The following SLC8A1 variants were observed in gnomAD, a reference collection of about 807,000 sequenced individuals.
The protein encoded by SLC8A1 is solute carrier family 8 member A1.
A neutral mutation model predicts 68.3 loss-of-function variants in SLC8A1; 18 were observed. The observed-to-expected ratio is 0.26, with a 90% CI of 0.18 to 0.39. The LOEUF (loss-of-function observed/expected upper bound fraction) is 0.39, where lower values mean the gene tolerates loss of function less well. SLC8A1 is among the 10% of genes least tolerant of loss of function. SLC8A1 has a pLI of 1.00. For synonymous variants in SLC8A1, 475 were observed against 415.5 expected, an observed-to-expected ratio of 1.14 and a Z score of -1.74; for missense variants, 985 against 1,156.7, an observed-to-expected ratio of 0.85 and a Z score of 2.15.
At chr2:40,486,579 T>G (rs551228106) in intron 1 of SLC8A1, among the ~76,000 whole-genome samples, 1 of 152,318 alleles carries the variant, frequency 6.6e-6, no homozygotes, top group African/African-American at 2.4e-5. Context: ...TTTTTAAAAT[T>G]GTTACATTTT....
In SLC8A1 at chr2:40,381,501, C is replaced by T. The variant is rs1056221551; in HGVS notation, c.1808+46972G>A. Among the ~76,000 whole-genome samples, 7 of 151,976 alleles carry T rather than the reference C, an allele frequency of 4.6e-5. No individual in the cohort carries two copies. The East Asian group carries it at 1.2e-3, about 26-fold the overall frequency. ...AGAACAGGTTTCTTTCTCTTCACTT[C>T]GTCAAAATTTTATTCATCTCACAGA... On this transcript the variant is annotated intron_variant, in intron 2 of 7. Transcript: ENST00000406785.
At chr2:40,457,925 C>T (rs1703116436) in intron 1 of SLC8A1, among the ~76,000 whole-genome samples, 1 of 152,124 alleles carries the variant, frequency 6.6e-6, no homozygotes, top group Admixed American at 6.5e-5. Flanking sequence ...AAGGGATTTG[C>T]CGAATCCTGG....
intron 1 of SLC8A1, among the ~76,000 whole-genome samples, chr2:40,458,055 G>GT (rs1333144670): frequency 3.3e-5 from 5 of 152,190 alleles, no homozygotes; most frequent in Non-Finnish European, 5.9e-5. Flanking sequence ...TTGTTTTCAA[G>GT]TTTTTTGGGA....
chr2:40,179,926 T>C (rs569567123), intron 2 of SLC8A1, among the ~76,000 whole-genome samples: 1 of 152,282 alleles, frequency 6.6e-6, no homozygotes, highest in African/African-American at 2.4e-5. Flanking sequence ...TTGGTTCTGG[T>C]TCCCTGAAAC....
chr2:40,334,355 C>T (rs950894965), intron 2 of SLC8A1, among the ~76,000 whole-genome samples: 1 of 152,172 alleles, frequency 6.6e-6, no homozygotes, highest in Admixed American at 6.5e-5. Flanking sequence ...ATACCAAAGG[C>T]ATAACCATTT....
chr2:40,334,687 T>G (rs1575492109), intron 2 of SLC8A1, among the ~76,000 whole-genome samples: 1 of 152,190 alleles, frequency 6.6e-6, no homozygotes, highest in African/African-American at 2.4e-5. Flanking sequence ...AGTTGAGGGT[T>G]ACGCACTAAT....
chr2:40,258,567 C>G (rs1426767657), intron 2 of SLC8A1, among the ~76,000 whole-genome samples: 1 of 152,104 alleles, frequency 6.6e-6, no homozygotes, highest in African/African-American at 2.4e-5. Context: ...TGGCCGGGCA[C>G]TGGTGGCTCA....
At chr2:40,105,836 G>C (rs1030714004) in exon 8 of SLC8A1, 26 of 152,360 alleles carry the variant, frequency 1.7e-4, no homozygotes, top group African/African-American at 6.3e-4. Context: ...CCAGTCCTAG[G>C]ATTGGTCCCA....
rs371395367 is a variant in SLC8A1, at chr2:40,212,281, A to ATGT, written c.1809-34427_1809-34426insACA. On this transcript the variant is annotated intron_variant, in intron 2 of 7. Transcript: ENST00000406785. ...AGGTGCTAAACAGAAGAGATGCAAT[A>ATGT]TCTTTTTTTTTTTTTTTTTTCCTGA... Among the ~76,000 whole-genome samples, 5 of 118,242 alleles carry ATGT rather than the reference A, an allele frequency of 4.2e-5. 2 individuals are homozygous for ATGT. Among genetic ancestry groups the ATGT allele is most frequent in the South Asian group, 2.4e-4 (1 of 4,090 alleles). The allele number at this position is 118,242 out of a possible 152,430, so 77.6% of individuals were successfully genotyped here.
At chr2:40,116,312 T>C (rs1398088255) in intron 7 of SLC8A1, among the ~76,000 whole-genome samples, 1 of 152,164 alleles carries the variant, frequency 6.6e-6, no homozygotes, top group African/African-American at 2.4e-5. Context: ...ACTTTTTTAT[T>C]ATTATTTTTT....
In SLC8A1 at chr2:40,146,270, C is replaced by T. The variant is rs73927130; in HGVS notation, c.2162-6594G>A. Reference sequence around the variant, plus strand: ...TTTTGCAGTGTGCCAAGTTCAACCCCGGCTTAATGTGAATTTCTTTAAAAT... The same window carrying T: ...TTTTGCAGTGTGCCAAGTTCAACCCTGGCTTAATGTGAATTTCTTTAAAAT... On this transcript the variant is annotated intron_variant, in intron 6 of 7. Coordinates refer to ENST00000406785, the Ensembl canonical transcript of SLC8A1. Among the ~76,000 whole-genome samples, 813 of 152,206 alleles carry T rather than the reference C, an allele frequency of 5.3e-3. 7 individuals are homozygous for T. The highest frequency in any genetic ancestry group is 0.018 in the African/African-American group (747 of 41,522).
chr2:40,313,439 C>A (rs1308434756), intron 2 of SLC8A1, among the ~76,000 whole-genome samples: 1 of 151,848 alleles, frequency 6.6e-6, no homozygotes, highest in African/African-American at 2.4e-5. Flanking sequence ...TGTAGAATGG[C>A]TGGATTATAT....
intron 2 of SLC8A1, among the ~76,000 whole-genome samples, chr2:40,281,399 G>C (rs1015959788): frequency 1.2e-4 from 18 of 152,214 alleles, no homozygotes; most frequent in African/African-American, 4.3e-4. Context: ...AGCATTCTCA[G>C]TGCCTGAGTT....
intron 1 of SLC8A1, among the ~76,000 whole-genome samples, chr2:40,506,928 C>T (rs1312531745): frequency 1.3e-5 from 2 of 151,834 alleles, no homozygotes; most frequent in East Asian, 1.9e-4. Flanking sequence ...CATTTCATTC[C>T]CTTTTACAAA....
At chr2:40,115,771 G>C (rs1030404932) in intron 7 of SLC8A1, 142 bp from the exon 11 acceptor site, 1 of 1,094,028 alleles carries the variant, frequency 9.1e-7, no homozygotes, top group Non-Finnish European at 1.3e-6. Flanking sequence ...GTTCCTCTGA[G>C]TCAGACTCAT....
rs548632789 is a variant in SLC8A1, at chr2:40,198,530, T to G, written c.1809-20675A>C. Reference sequence around the variant, plus strand: ...TTGCTATAAGAAAAATATTTATTGATTTCTTTTTTAAAAAAGACTGCAGTT... The same window carrying G: ...TTGCTATAAGAAAAATATTTATTGAGTTCTTTTTTAAAAAAGACTGCAGTT... On this transcript the variant is annotated intron_variant, in intron 2 of 7. Coordinates refer to ENST00000406785, the Ensembl canonical transcript of SLC8A1. Among the ~76,000 whole-genome samples the G allele has an allele frequency of 1.5e-4, 23 of 152,084 alleles. 1 individual carries two copies. In the South Asian group the frequency reaches 4.8e-3, roughly 32 times the overall value.
intron 1 of SLC8A1, among the ~76,000 whole-genome samples, chr2:40,477,768 T>C (rs1704382886): frequency 6.6e-6 from 1 of 152,128 alleles, no homozygotes; most frequent in Non-Finnish European, 1.5e-5. Flanking sequence ...TGCACGTGTG[T>C]GTAGGGGGAG....
At chr2:40,446,681 T>C (rs1174813469) in intron 1 of SLC8A1, 1 of 152,206 alleles carries the variant, frequency 6.6e-6, no homozygotes, top group Non-Finnish European at 1.5e-5. Flanking sequence ...AGCATGGCTT[T>C]TGGAGAGCCT....
intron 6 of SLC8A1, among the ~76,000 whole-genome samples, chr2:40,144,285 C>T (rs1363979982): frequency 6.6e-6 from 1 of 152,190 alleles, no homozygotes; most frequent in Non-Finnish European, 1.5e-5. Context: ...AATTCTTTCA[C>T]ATACCTGATC....
Sources: gnomAD v4.1 joint callset for allele counts (sites outside exome capture counted in the v4.1 genomes callset) on GRCh38, gnomAD v4.1.1 for gene constraint, MANE v1.5 for transcripts, NCBI Gene and HGNC (gene_info 2026-07-23, HGNC 2026-07-21) for gene names.